PARVB: variants seen among roughly 807,000 people sequenced by gnomAD.
PARVB encodes the protein beta-parvin.
A neutral mutation model predicts 47.0 loss-of-function variants in PARVB; 46 were observed. That is an observed-to-expected ratio of 0.98 (90% confidence interval 0.77 to 1.25). The LOEUF is 1.25. PARVB is among the 50% of genes most tolerant of loss of function. The pLI is 0.00. For synonymous variants in PARVB, 196 were observed against 196.3 expected (o/e 1.00, Z 0.01); for missense variants, 473 against 471.6 (o/e 1.00, Z -0.03).
chr22:44,089,826 C>T lies in PARVB; in HGVS notation c.113-4102C>T, dbSNP rs2052121704. Among the ~76,000 whole-genome samples, 1 of 152,358 alleles carries T rather than the reference C, an allele frequency of 6.6e-6. No individual in the cohort carries two copies. The highest frequency in any genetic ancestry group is 6.5e-5 in the Admixed American group (1 of 15,304). On this transcript the variant is annotated intron_variant, in intron 1 of 12. Transcript: ENST00000338758. This position sits in a 1 kb window ranked among gnomAD's most constrained non-coding sequence, Gnocchi z 4.0. ...TGGGGTTCAGCTTTGGACATGCTGG[C>T]TGTGGTTTGTCTCCACTGCACTCTG...
At chr22:44,035,058 G>A (rs184673602) in intron 1 of PARVB, among the ~76,000 whole-genome samples, 2 of 152,234 alleles carry the variant, frequency 1.3e-5, no homozygotes, top group Middle Eastern at 3.4e-3. Flanking sequence ...GTGATAGCCT[G>A]CTGTTGACTG....
chr22:44,016,497 A>C (rs1040804309), intron 2 of PARVB, among the ~76,000 whole-genome samples: 4 of 152,068 alleles, frequency 2.6e-5, no homozygotes, highest in African/African-American at 4.8e-5. Flanking sequence ...CTCGGGTATC[A>C]CCCCAGACAA....
intron 1 of PARVB, among the ~76,000 whole-genome samples, chr22:44,037,711 A>T (rs1320325642): frequency 6.6e-6 from 1 of 152,172 alleles, no homozygotes; most frequent in Non-Finnish European, 1.5e-5. Flanking sequence ...TGGAAGAATG[A>T]TTCAGATGGG....
chr22:44,145,537 TG>T (rs988622680), intron 8 of PARVB: 10 of 152,298 alleles, frequency 6.6e-5, no homozygotes, highest in African/African-American at 2.4e-4. Context: ...GTCCCTCCAC[TG>T]GGCTCAGTCT....
chr22:44,116,258 G>C (rs1979577650), intron 3 of PARVB: 1 of 152,278 alleles, frequency 6.6e-6, no homozygotes, highest in Admixed American at 6.5e-5. Context: ...TGTCACTTTG[G>C]GGAGGAAGTC....
intron 1 of PARVB, among the ~76,000 whole-genome samples, chr22:44,085,004 A>G (rs1176498760): frequency 3.9e-5 from 6 of 152,214 alleles, no homozygotes; most frequent in African/African-American, 9.6e-5. Context: ...ACCTTCAGCC[A>G]CTGGGCCTTG....
At chr22:44,106,729 T>C (rs945882014) in intron 3 of PARVB, 4 of 151,964 alleles carry the variant, frequency 2.6e-5, no homozygotes, top group Admixed American at 1.3e-4. Context: ...TCTCCCCTAG[T>C]AGACACCCCC....
intron 1 of PARVB, among the ~76,000 whole-genome samples, chr22:44,025,261 G>C (rs928666853): frequency 6.6e-6 from 1 of 152,056 alleles, no homozygotes; most frequent in South Asian, 2.1e-4. Flanking sequence ...CTCCCATAGC[G>C]GGTATGCAGT....
intron 4 of PARVB, among the ~76,000 whole-genome samples, chr22:44,124,574 C>A (rs753570826): frequency 1.4e-4 from 20 of 146,632 alleles, no homozygotes; most frequent in Non-Finnish European, 2.8e-4. Context: ...GGGTCAGTCC[C>A]ACAGACAAGC....
At chr22:44,025,498 GC>G (rs1300109983) in intron 1 of PARVB, among the ~76,000 whole-genome samples, 1 of 152,118 alleles carries the variant, frequency 6.6e-6, no homozygotes, top group African/African-American at 2.4e-5. Flanking sequence ...TGCAGGGAAC[GC>G]TTGGTTCCCC....
intron 1 of PARVB, among the ~76,000 whole-genome samples, chr22:44,026,064 A>T (rs2050723158): frequency 6.6e-6 from 1 of 152,208 alleles, no homozygotes; most frequent in African/African-American, 2.4e-5. Context: ...CAGAGGAAAA[A>T]GTCTTTCATA....
chr22:44,036,287 A>AATAC (rs1216207007), intron 1 of PARVB, among the ~76,000 whole-genome samples: 1 of 152,130 alleles, frequency 6.6e-6, no homozygotes, highest in Non-Finnish European at 1.5e-5. Flanking sequence ...AAAATAAATA[A>AATAC]ATACATAAGT....
At chr22:44,027,072 C>T (rs116864229) in intron 1 of PARVB, among the ~76,000 whole-genome samples, 256 of 151,936 alleles carry the variant, frequency 1.7e-3, no homozygotes, top group Middle Eastern at 3.4e-3. Flanking sequence ...AGGCGTGTCA[C>T]GTGGTGGCCT....
chr22:44,099,049 C>G (rs1029464479), intron 2 of PARVB, among the ~76,000 whole-genome samples: 6 of 152,264 alleles, frequency 3.9e-5, no homozygotes, highest in East Asian at 1.9e-4. Flanking sequence ...GCTCTGGGAC[C>G]CTGGTCTCAA....
intron 2 of PARVB, among the ~76,000 whole-genome samples, chr22:44,096,452 T>C: frequency 6.6e-6 from 1 of 152,212 alleles, no homozygotes; most frequent in East Asian, 1.9e-4. Context: ...CACCTGATTC[T>C]TTCTGAAGTC....
chr22:44,011,927 C>T (rs2050527692), intron 2 of PARVB, among the ~76,000 whole-genome samples: 1 of 152,176 alleles, frequency 6.6e-6, no homozygotes, highest in African/African-American at 2.4e-5. Context: ...TTTCATTTTG[C>T]AAGCAGGTGA....
At chr22:44,014,473 C>T (rs1181234728) in intron 2 of PARVB, among the ~76,000 whole-genome samples, 3 of 152,108 alleles carry the variant, frequency 2.0e-5, no homozygotes, top group African/African-American at 7.2e-5. Flanking sequence ...AGCCCTGGCA[C>T]GAGGCATATG....
intron 2 of PARVB, among the ~76,000 whole-genome samples, chr22:44,017,674 C>G (rs2050597850): frequency 6.6e-6 from 1 of 152,202 alleles, no homozygotes; most frequent in African/African-American, 2.4e-5. Context: ...CTTCAAAAAT[C>G]CATTATTTCC....
chr22:44,074,909 G>A (rs901549463), intron 1 of PARVB, among the ~76,000 whole-genome samples: 8 of 152,296 alleles, frequency 5.3e-5, no homozygotes, highest in African/African-American at 1.4e-4. Flanking sequence ...GGAGCCCAGT[G>A]GGCTCTGGGA....
Sources: allele counts gnomAD v4.1 joint callset (sites outside exome capture counted in the v4.1 genomes callset), GRCh38; gene constraint gnomAD v4.1.1; non-coding constraint Gnocchi (gnomAD v3.1); transcripts MANE v1.5; gene names NCBI Gene and HGNC (gene_info 2026-07-23, HGNC 2026-07-21).